STPG2: variants seen among roughly 807,000 people sequenced by gnomAD.
STPG2 encodes sperm-tail PG-rich repeat-containing protein 2.
Under a neutral mutation model 54.2 loss-of-function variants are expected in STPG2, and 56 were observed. The observed-to-expected ratio is 1.03, with a 90% CI of 0.83 to 1.29. The LOEUF (loss-of-function observed/expected upper bound fraction) is 1.29. STPG2 is among the 50% of genes most tolerant of loss of function. The pLI is 0.00. For synonymous variants in STPG2, 200 were observed against 181.8 expected, an observed-to-expected ratio of 1.10 and a Z score of -0.81; for missense variants, 596 against 544.9, an observed-to-expected ratio of 1.09 and a Z score of -0.93.
At chr4:97,845,923 A>G (rs537565733) in intron 8 of STPG2, among the ~76,000 whole-genome samples, 1 of 152,284 alleles carries the variant, frequency 6.6e-6, no homozygotes, top group East Asian at 1.9e-4. Context: ...ATTCTAAGAG[A>G]AAAAGAAAGA....
intron 10 of STPG2, among the ~76,000 whole-genome samples, chr4:97,591,163 A>T (rs934410495): frequency 6.6e-6 from 1 of 152,214 alleles, no homozygotes; most frequent in Admixed American, 6.5e-5. Context: ...GTAACTAACA[A>T]ATAACTGTAT....
chr4:97,657,869 C>T (rs1222660037), intron 10 of STPG2, among the ~76,000 whole-genome samples: 3 of 152,148 alleles, frequency 2.0e-5, no homozygotes, highest in Non-Finnish European at 4.4e-5. Context: ...AAACCTCATC[C>T]ATGAACACGT....
intron 10 of STPG2, among the ~76,000 whole-genome samples, chr4:97,630,766 A>C (rs1721247373): frequency 6.6e-6 from 1 of 151,828 alleles, no homozygotes; most frequent in African/African-American, 2.4e-5. Context: ...AGTCAATCTC[A>C]AGGTGGCTTC....
At chr4:97,730,518 C>A (rs1222297718) in intron 9 of STPG2, among the ~76,000 whole-genome samples, 1 of 152,044 alleles carries the variant, frequency 6.6e-6, no homozygotes, top group Non-Finnish European at 1.5e-5. Flanking sequence ...AGTAAATACC[C>A]AGTAATGGGA....
chr4:97,970,449 T>C (rs575156170), intron 7 of STPG2, among the ~76,000 whole-genome samples: 33 of 152,146 alleles, frequency 2.2e-4, no homozygotes, highest in Non-Finnish European at 4.3e-4. Context: ...GTGCTACTGG[T>C]ACCAAAACAG....
chr4:97,447,729 GGATGTCCAGGCA>G (rs1276118572), intron 4 of STPG2, among the ~76,000 whole-genome samples: 2 of 152,212 alleles, frequency 1.3e-5, no homozygotes, highest in African/African-American at 4.8e-5. Context: ...GGAAATGCCT[GGATGTCCAGGCA>G]GAAGTCTTTC....
At chr4:98,043,481 T>C (rs1467636708) in intron 5 of STPG2, among the ~76,000 whole-genome samples, 2 of 152,092 alleles carry the variant, frequency 1.3e-5, no homozygotes, top group African/African-American at 4.8e-5. Flanking sequence ...GTGTAACTTT[T>C]ATAAGTATTT....
chr4:97,834,276 C>A (rs149878982), intron 9 of STPG2, among the ~76,000 whole-genome samples: 2,080 of 152,260 alleles, frequency 0.014, 19 homozygotes, highest in Non-Finnish European at 0.02. Context: ...CCAAACACCA[C>A]ATGTTCTCAC....
chr4:97,835,039 A>C (rs1319781981), intron 9 of STPG2, among the ~76,000 whole-genome samples: 1 of 152,064 alleles, frequency 6.6e-6, no homozygotes, highest in Non-Finnish European at 1.5e-5. Flanking sequence ...GGTTGGGTAA[A>C]ATAAGGCTGA....
At chr4:97,918,881 T>C (rs921706643) in intron 8 of STPG2, among the ~76,000 whole-genome samples, 1 of 152,168 alleles carries the variant, frequency 6.6e-6, no homozygotes, top group Non-Finnish European at 1.5e-5. Context: ...GCTCGGGTGA[T>C]GGGTACACCA....
chr4:97,486,825 GTGTGTA>G lies in STPG2; in HGVS notation c.462+225868_462+225873del, dbSNP rs1297494232. Among the ~76,000 whole-genome samples the G allele has an allele frequency of 5.5e-3, 720 of 130,874 alleles. 5 individuals carry two copies. Among genetic ancestry groups the G allele is most frequent in the African/African-American group, 0.021 (661 of 31,560 alleles). 85.9% of individuals were successfully genotyped at this position (130,874 alleles called of 152,430 possible). ...CTGTGGTGTGTGTGTGTGTGTGTGTGTGTGTATATATATATATATATATGTATGTAT... is the reference window on the plus strand; with the variant it reads ...CTGTGGTGTGTGTGTGTGTGTGTGTGTATATATATATATATATGTATGTAT... On this transcript the variant is annotated intron_variant, in intron 4 of 4. Transcript: ENST00000522676.
At chr4:98,111,014 C>T (rs1028696855) in intron 3 of STPG2, among the ~76,000 whole-genome samples, 1 of 152,108 alleles carries the variant, frequency 6.6e-6, no homozygotes, top group Non-Finnish European at 1.5e-5. Context: ...GTGCTAGAAA[C>T]TTCACATGCC....
At chr4:97,902,893 A>G (rs920069016) in intron 8 of STPG2, among the ~76,000 whole-genome samples, 2 of 152,190 alleles carry the variant, frequency 1.3e-5, no homozygotes, top group African/African-American at 2.4e-5. Context: ...TGAAATCAAC[A>G]TAAGTGGCCA....
At chr4:97,963,582 G>C (rs1258224057) in intron 7 of STPG2, among the ~76,000 whole-genome samples, 1 of 152,018 alleles carries the variant, frequency 6.6e-6, no homozygotes, top group African/African-American at 2.4e-5. Flanking sequence ...TTGAACCCAG[G>C]AGGGCAAGGG....
intron 5 of STPG2, among the ~76,000 whole-genome samples, chr4:97,989,231 A>G (rs1436849267): frequency 3.3e-5 from 5 of 152,210 alleles, no homozygotes; most frequent in Admixed American, 2.0e-4. Flanking sequence ...CTGTGGCTAT[A>G]TAAACCTGCA....
chr4:97,519,735 C>A (rs1028856963), intron 4 of STPG2, among the ~76,000 whole-genome samples: 4 of 150,310 alleles, frequency 2.7e-5, no homozygotes, highest in African/African-American at 9.8e-5. Flanking sequence ...AGCCAGGACA[C>A]AACACTGGTG....
At chr4:97,945,323 T>C (rs1302451286) in intron 7 of STPG2, among the ~76,000 whole-genome samples, 10 of 152,188 alleles carry the variant, frequency 6.6e-5, no homozygotes, top group Admixed American at 4.6e-4. Context: ...TGGTTTTTCA[T>C]TCCTGAGCTA....
intron 9 of STPG2, among the ~76,000 whole-genome samples, chr4:97,727,852 T>C (rs1198614442): frequency 6.6e-6 from 1 of 151,950 alleles, no homozygotes; most frequent in Non-Finnish European, 1.5e-5. Flanking sequence ...AAATTTTAGC[T>C]ATGATTCCAG....
At chr4:97,632,886 T>C (rs936076292) in intron 10 of STPG2, among the ~76,000 whole-genome samples, 2 of 152,166 alleles carry the variant, frequency 1.3e-5, no homozygotes, top group African/African-American at 4.8e-5. Flanking sequence ...TATCAATTAT[T>C]CATTCAACAA....
Sources: gnomAD v4.1 joint callset for allele counts (sites outside exome capture counted in the v4.1 genomes callset) on GRCh38, gnomAD v4.1.1 for gene constraint, MANE v1.5 for transcripts, NCBI Gene and HGNC (gene_info 2026-07-23, HGNC 2026-07-21) for gene names.